The following ZBTB38 variants were observed in gnomAD, a reference collection of about 807,000 sequenced individuals.
ZBTB38 encodes the protein zinc finger and BTB domain containing 38.
Under a neutral mutation model 76.8 loss-of-function variants are expected in ZBTB38, and 20 were observed. That is an observed-to-expected ratio of 0.26 (90% CI 0.18 to 0.38). The LOEUF is 0.38. ZBTB38 is among the 10% of genes least tolerant of loss of function. The pLI, the probability that ZBTB38 is intolerant of heterozygous loss-of-function variation, is 1.00. For synonymous variants in ZBTB38, 504 were observed against 544.2 expected, an observed-to-expected ratio of 0.93 and a Z score of 1.03; for missense variants, 1,082 against 1,482.3, an observed-to-expected ratio of 0.73 and a Z score of 4.43.
chr3:141,439,232 A>C (rs545989281), intron 5 of ZBTB38, among the ~76,000 whole-genome samples: 1 of 152,230 alleles, frequency 6.6e-6, no homozygotes, highest in South Asian at 2.1e-4. Flanking sequence ...TAACTCTAGC[A>C]CCCAAGTACT....
intron 4 of ZBTB38, among the ~76,000 whole-genome samples, chr3:141,399,438 AACAC>A (rs899112518): frequency 1.3e-5 from 2 of 152,188 alleles, no homozygotes; most frequent in African/African-American, 4.8e-5. Flanking sequence ...TTTACTACCA[AACAC>A]ACACATCACA....
At chr3:141,371,213 C>A (rs1944557010) in intron 2 of ZBTB38, among the ~76,000 whole-genome samples, 1 of 151,642 alleles carries the variant, frequency 6.6e-6, no homozygotes, top group Non-Finnish European at 1.5e-5. Context: ...CCACCACACC[C>A]AGCTAATTTT....
chr3:141,420,549 A>G (rs190267169), intron 5 of ZBTB38, among the ~76,000 whole-genome samples: 21 of 152,342 alleles, frequency 1.4e-4, no homozygotes, highest in Non-Finnish European at 2.6e-4. Flanking sequence ...TGCTTCCTAC[A>G]GGGTCACATC....
intron 1 of ZBTB38, among the ~76,000 whole-genome samples, chr3:141,331,893 G>A (rs1223962635): frequency 6.6e-6 from 1 of 152,240 alleles, no homozygotes; most frequent in Non-Finnish European, 1.5e-5. Flanking sequence ...GCCCCTGGGA[G>A]TCCTCGGCTG....
At chr3:141,347,766 G>A (rs776467944) in intron 1 of ZBTB38, among the ~76,000 whole-genome samples, 2 of 152,246 alleles carry the variant, frequency 1.3e-5, no homozygotes, top group East Asian at 3.8e-4. Context: ...TGCCATGGTT[G>A]TGGCTGTTCT....
chr3:141,360,560 G>A (rs78246669), intron 1 of ZBTB38, among the ~76,000 whole-genome samples: 5 of 152,028 alleles, frequency 3.3e-5, no homozygotes, highest in Non-Finnish European at 5.9e-5. Flanking sequence ...TATTATTTTT[G>A]AATCATTAAC....
chr3:141,351,315 A>C (rs1943506454), intron 1 of ZBTB38, among the ~76,000 whole-genome samples: 1 of 152,248 alleles, frequency 6.6e-6, no homozygotes, highest in African/African-American at 2.4e-5. Flanking sequence ...AAAAAGAGGC[A>C]TATGACATAC....
intron 5 of ZBTB38, among the ~76,000 whole-genome samples, chr3:141,436,412 G>C (rs922643422): frequency 6.6e-6 from 1 of 152,150 alleles, no homozygotes; most frequent in Admixed American, 6.5e-5. Flanking sequence ...GTGTGTTGGG[G>C]ACACAGCCAC....
At chr3:141,331,352 C>T (rs1942845304) in intron 1 of ZBTB38, among the ~76,000 whole-genome samples, 1 of 152,194 alleles carries the variant, frequency 6.6e-6, no homozygotes, top group Admixed American at 6.5e-5. Flanking sequence ...ATTCAGGCTA[C>T]TGATTATGTA....
At chr3:141,368,995 CAA>C (rs887674425) in intron 1 of ZBTB38, among the ~76,000 whole-genome samples, 191 bp downstream of exon 1, 22 of 84,524 alleles carry the variant, frequency 2.6e-4, no homozygotes, top group African/African-American at 1.9e-4. Context: ...GAAAAGAATG[CAA>C]AAAAAAAAAA....
chr3:141,362,415 A>G (rs1293697479), intron 1 of ZBTB38, among the ~76,000 whole-genome samples: 3 of 152,176 alleles, frequency 2.0e-5, no homozygotes, highest in Non-Finnish European at 2.9e-5. Flanking sequence ...ATTAACATAA[A>G]ATAGATAACA....
rs557587979 is a variant in ZBTB38 at position 141,399,987 on chromosome 3, C to CTTTT, written c.-105-3921_-105-3918dup. 2.0e-3 allele frequency among the ~76,000 whole-genome samples: 164 copies of CTTTT among 80,428 alleles called. 2 individuals are homozygous for CTTTT. The highest frequency in any genetic ancestry group is 3.5e-3 in the Admixed American group (23 of 6,504). The allele number at this position is 80,428 out of a possible 152,430, so 52.8% of individuals were successfully genotyped here. On this transcript the variant is annotated intron_variant, in intron 4 of 5. Coordinates refer to ENST00000321464, the MANE Select transcript of ZBTB38 (RefSeq NM_001376113.1). ...AGAGGAGATAATCTTGAAAGTCTTG[C>CTTTT]TTTTTTTTTTTTTTTTTTTTTTGCA... is the stretch of plus-strand genomic sequence containing the variant.
At chr3:141,394,906 G>C (rs74809925) in intron 4 of ZBTB38, among the ~76,000 whole-genome samples, 3 of 152,082 alleles carry the variant, frequency 2.0e-5, no homozygotes, top group Non-Finnish European at 4.4e-5. Context: ...AAGGTCTCTC[G>C]GAGAGTTAAG....
intron 1 of ZBTB38, chr3:141,324,496 CTA>C (rs1942616428): frequency 6.6e-6 from 1 of 152,192 alleles, no homozygotes; most frequent in African/African-American, 2.4e-5. Flanking sequence ...TGAAAGCTCT[CTA>C]TGTTTGCTTT....
chr3:141,408,951 G>A (rs1955644358), intron 5 of ZBTB38, among the ~76,000 whole-genome samples: 1 of 152,192 alleles, frequency 6.6e-6, no homozygotes, highest in Non-Finnish European at 1.5e-5. Context: ...CATTATCTCA[G>A]CCATCTTTTA....
intron 1 of ZBTB38, among the ~76,000 whole-genome samples, chr3:141,340,955 AAAG>A (rs1943169134): frequency 8.2e-6 from 1 of 122,310 alleles, no homozygotes; most frequent in African/African-American, 3.4e-5. Context: ...AGAAGGAAAG[AAAG>A]AAAGAAAGAA....
intron 4 of ZBTB38, among the ~76,000 whole-genome samples, chr3:141,393,123 T>C (rs1949371933): frequency 6.6e-6 from 1 of 152,228 alleles, no homozygotes; most frequent in Admixed American, 6.5e-5. Context: ...AAATTGCCAG[T>C]GTAAATATTC....
chr3:141,444,325 A>G lies in ZBTB38; in HGVS notation c.1937A>G (p.Asn646Ser), dbSNP rs750461389. The G allele has an allele frequency of 3.0e-5, 49 of 1,614,096 alleles. No homozygotes were observed. In the Middle Eastern group the frequency reaches 8.2e-4, roughly 27 times the overall value. Residue 646 changes from asparagine (N) to serine (S), a missense_variant, in exon 6 of 6, where the codon AAT (asparagine) becomes AGT (serine). By Grantham distance (46) the Asn-to-Ser change is conservative (BLOSUM62 1). Around this residue, in one of 8 missense-constraint regions of ZBTB38, gnomAD observed 471 missense variants for 581.0 expected, o/e 0.81. Transcript: ENST00000321464. The surrounding 1 kb of genome is among the most constrained non-coding windows in gnomAD (Gnocchi z 5.1). The part of the protein sequence containing the change: ...SACQDIPTSA[N>S]VQNAEGTKWG... ...TGTCAGGACATACCCACTTCTGCCA[A>G]TGTACAAAATGCAGAGGGTACCAAA...
intron 2 of ZBTB38, among the ~76,000 whole-genome samples, chr3:141,370,651 G>A (rs2149009970): frequency 6.6e-6 from 1 of 152,376 alleles, no homozygotes; most frequent in East Asian, 1.9e-4. Flanking sequence ...TGCAATGGAT[G>A]AGATTTCTCA....
Sources: allele counts gnomAD v4.1 joint callset (sites outside exome capture counted in the v4.1 genomes callset), GRCh38; gene constraint gnomAD v4.1.1; regional missense constraint gnomAD v4.1.1; non-coding constraint Gnocchi (gnomAD v3.1); transcripts MANE v1.5; gene names NCBI Gene and HGNC (gene_info 2026-07-23, HGNC 2026-07-21).